IL1RAPL2: variants seen among roughly 807,000 people sequenced by gnomAD.
The protein encoded by IL1RAPL2 is X-linked interleukin-1 receptor accessory protein-like 2.
A neutral mutation model predicts 44.1 loss-of-function variants in IL1RAPL2; 3 were observed. The ratio of observed to expected loss-of-function variants is 0.07; its 90% confidence interval spans 0.03 to 0.18. The LOEUF is 0.18. IL1RAPL2 is among the 10% of genes least tolerant of loss of function. IL1RAPL2 has a pLI of 1.00. For synonymous variants in IL1RAPL2, 181 were observed against 178.8 expected, an observed-to-expected ratio of 1.01 and a Z score of -0.10; for missense variants, 391 against 496.4, an observed-to-expected ratio of 0.79 and a Z score of 2.02.
At chrX:104,691,337 G>A (rs1931089149) in intron 2 of IL1RAPL2, among the ~76,000 whole-genome samples, 1 of 111,331 alleles carries the variant, frequency 9.0e-6, no homozygotes, top group African/African-American at 3.3e-5. Context: ...CCAGGCTCTG[G>A]GATTTCTTTA....
intron 2 of IL1RAPL2, among the ~76,000 whole-genome samples, chrX:104,699,954 A>G (rs1262013674): frequency 1.8e-5 from 2 of 111,388 alleles, no homozygotes; most frequent in Non-Finnish European, 3.8e-5. Context: ...AGGAAGTTGT[A>G]TATATGACTT....
chrX:104,894,094 A>G lies in IL1RAPL2; in HGVS notation c.82+235099A>G, dbSNP rs147262524. Among the ~76,000 whole-genome samples, 840 of 111,395 alleles carry G rather than the reference A, an allele frequency of 7.5e-3. 8 individuals carry two copies. The highest frequency in any genetic ancestry group is 0.026 in the African/African-American group (802 of 30,626). ...ATTCTGGGTTGGAAATTCTTTTCTT[A>G]AGTATGTTGGATATTGGCCACCACT... On this transcript the variant is annotated intron_variant, in intron 2 of 10. Coordinates refer to ENST00000372582, the MANE Select transcript of IL1RAPL2 (RefSeq NM_017416.2).
chrX:105,006,975 T>A (rs1158904859), intron 2 of IL1RAPL2, among the ~76,000 whole-genome samples: 1 of 111,532 alleles, frequency 9.0e-6, no homozygotes, highest in Admixed American at 9.5e-5. Flanking sequence ...TATAGTCCCC[T>A]CTCAAGGGGC....
chrX:105,225,397 G>A (rs971892661), intron 3 of IL1RAPL2, among the ~76,000 whole-genome samples: 2 of 111,944 alleles, frequency 1.8e-5, no homozygotes, highest in East Asian at 5.6e-4. Context: ...ACAATTACAA[G>A]AAGAAGAAAA....
At position 105,083,451 on chromosome X, in the gene IL1RAPL2, A is replaced by C. The variant is rs759341805; in HGVS notation, c.83-112024A>C. Among the ~76,000 whole-genome samples, 539 of 111,489 alleles carry C rather than the reference A, an allele frequency of 4.8e-3. 3 individuals are homozygous for C. Among genetic ancestry groups the C allele is most frequent in the African/African-American group, 0.017 (519 of 30,596 alleles). ...ACATTCAAATTCAGGAAATACAGAG[A>C]ATACCACAAGATAGTTGTCAAGTAT... On this transcript the variant is annotated intron_variant, in intron 2 of 10. Coordinates refer to ENST00000372582, the MANE Select transcript of IL1RAPL2 (RefSeq NM_017416.2).
intron 8 of IL1RAPL2, among the ~76,000 whole-genome samples, chrX:105,742,977 C>T (rs919312060): frequency 2.2e-4 from 24 of 111,214 alleles, no homozygotes; most frequent in Admixed American, 7.7e-4. Context: ...TTTCTACTCA[C>T]ATCCTATATC....
rs189224323 is a variant in IL1RAPL2 at position 105,310,819 on chromosome X, A to C, written c.697+43278A>C. 5.0e-3 allele frequency among the ~76,000 whole-genome samples: 552 copies of C among 111,458 alleles called. 8 individuals carry two copies. The highest frequency in any genetic ancestry group is 0.017 in the African/African-American group (524 of 30,797). On this transcript the variant is annotated intron_variant, in intron 5 of 10. Coordinates refer to ENST00000372582, the MANE Select transcript of IL1RAPL2 (RefSeq NM_017416.2). The stretch of plus-strand genomic sequence containing the variant: ...TCCACTGTGATCAAAGAACATGCAT[A>C]CTCTGTAACAGCTCACATTGTGTAA...
At chrX:104,570,402 C>CA (rs1928123595) in intron 1 of IL1RAPL2, among the ~76,000 whole-genome samples, 1 of 111,954 alleles carries the variant, frequency 8.9e-6, no homozygotes, top group Non-Finnish European at 1.9e-5. Flanking sequence ...ATGTGTCTGT[C>CA]CAGGCTGGGC....
intron 3 of IL1RAPL2, among the ~76,000 whole-genome samples, chrX:105,213,329 A>G (rs1424553944): frequency 3.7e-5 from 4 of 108,880 alleles, no homozygotes; most frequent in African/African-American, 1.3e-4. Flanking sequence ...TTTGTGAAGC[A>G]TACACAAGTA....
At chrX:105,187,468 T>A (rs2033599204) in intron 2 of IL1RAPL2, among the ~76,000 whole-genome samples, 2 of 111,559 alleles carry the variant, frequency 1.8e-5, no homozygotes, top group Admixed American at 1.9e-4. Context: ...GTTGGCAAGG[T>A]TGTGGAGGAA....
intron 4 of IL1RAPL2, among the ~76,000 whole-genome samples, chrX:105,247,603 A>ATGTGTGTGTG (rs10588244): frequency 6.3e-5 from 6 of 95,036 alleles, no homozygotes; most frequent in Non-Finnish European, 1.3e-4. Context: ...ATATATATAT[A>ATGTGTGTGTG]TGTGTGTGTG....
chrX:105,405,002 G>C (rs1281515644), intron 5 of IL1RAPL2, among the ~76,000 whole-genome samples: 3 of 111,457 alleles, frequency 2.7e-5, no homozygotes, highest in Non-Finnish European at 5.7e-5. Context: ...AGACAGTAGT[G>C]TTTATTCTCA....
At chrX:105,542,720 TTTA>T (rs2036751803) in intron 6 of IL1RAPL2, among the ~76,000 whole-genome samples, 7 of 94,158 alleles carry the variant, frequency 7.4e-5, no homozygotes, top group East Asian at 3.1e-4. Context: ...TATTTATTTA[TTTA>T]TTTATTTAAT....
At chrX:104,664,470 T>G (rs1930455647) in intron 2 of IL1RAPL2, among the ~76,000 whole-genome samples, 1 of 111,844 alleles carries the variant, frequency 8.9e-6, no homozygotes, top group South Asian at 3.8e-4. Context: ...GTCGGAGAGC[T>G]GGGTTGATTG....
intron 2 of IL1RAPL2, among the ~76,000 whole-genome samples, chrX:105,105,834 T>C (rs1209724221): frequency 8.9e-6 from 1 of 112,246 alleles, no homozygotes; most frequent in Non-Finnish European, 1.9e-5. Context: ...CCCAATTCGA[T>C]ATTTCATATT....
chrX:105,543,959 A>AT (rs2036766776), intron 6 of IL1RAPL2, among the ~76,000 whole-genome samples: 1 of 111,779 alleles, frequency 8.9e-6, no homozygotes, highest in Non-Finnish European at 1.9e-5. Flanking sequence ...TAAAAAGCTC[A>AT]CTGGGATTTT....
At chrX:105,308,040 C>T (rs981466556) in intron 5 of IL1RAPL2, among the ~76,000 whole-genome samples, 6 of 110,477 alleles carry the variant, frequency 5.4e-5, no homozygotes, top group African/African-American at 2.0e-4. Flanking sequence ...CAACAAGCTT[C>T]ATCATGGTGA....
chrX:105,083,725 T>C (rs982424613), intron 2 of IL1RAPL2, among the ~76,000 whole-genome samples: 5 of 111,948 alleles, frequency 4.5e-5, no homozygotes, highest in Non-Finnish European at 9.4e-5. Context: ...ATAAGTTTCA[T>C]AAGTAAAGGA....
chrX:105,760,049 C>T (rs1316227093), intron 10 of IL1RAPL2, among the ~76,000 whole-genome samples: 2 of 111,313 alleles, frequency 1.8e-5, no homozygotes, highest in African/African-American at 6.5e-5. Context: ...TAAAATTGAA[C>T]GTGTCCATTA....
Sources: gnomAD v4.1 joint callset for allele counts (sites outside exome capture counted in the v4.1 genomes callset) on GRCh38, gnomAD v4.1.1 for gene constraint, MANE v1.5 for transcripts, NCBI Gene and HGNC (gene_info 2026-07-23, HGNC 2026-07-21) for gene names.